RAB3C: variants seen among roughly 807,000 people sequenced by gnomAD.
The protein encoded by RAB3C is RAB3C, member RAS oncogene family, also known as ras-related protein Rab-3C.
A neutral mutation model predicts 26.4 loss-of-function variants in RAB3C; 17 were observed. The observed-to-expected ratio is 0.64, with a 90% CI of 0.44 to 0.97. RAB3C has a LOEUF of 0.97. Among genes scored for constraint, RAB3C ranks in the 50% least tolerant of loss-of-function variants. The pLI, the probability that RAB3C is intolerant of heterozygous loss-of-function variation, is 0.00. For missense variants in RAB3C, 242 were observed against 281.9 expected (o/e 0.86, Z 1.01); for synonymous variants, 91 against 95.9 (o/e 0.95, Z 0.30).
chr5:58,683,198 A>G (rs1186101802), intron 2 of RAB3C, among the ~76,000 whole-genome samples: 1 of 152,192 alleles, frequency 6.6e-6, no homozygotes. Flanking sequence ...ATCTCTTTGC[A>G]TTAGCTACAG....
chr5:58,717,138 TA>T (rs1749188746), intron 2 of RAB3C, among the ~76,000 whole-genome samples: 4 of 152,112 alleles, frequency 2.6e-5, no homozygotes, highest in Non-Finnish European at 2.9e-5. Context: ...AAAAGTTGAT[TA>T]TTAAGACAGA....
intron 2 of RAB3C, among the ~76,000 whole-genome samples, chr5:58,682,763 A>T (rs902501629): frequency 1.3e-5 from 2 of 152,098 alleles, no homozygotes. Context: ...AACTATTATG[A>T]GGGAAGTGTA....
intron 3 of RAB3C, among the ~76,000 whole-genome samples, chr5:58,792,271 A>AT (rs1742541092): frequency 6.6e-6 from 1 of 152,238 alleles, no homozygotes; most frequent in Non-Finnish European, 1.5e-5. Context: ...TATATCTGGA[A>AT]TACTTCCAGG....
chr5:58,680,818 T>C (rs1430519629), intron 2 of RAB3C, among the ~76,000 whole-genome samples: 1 of 152,176 alleles, frequency 6.6e-6, no homozygotes, highest in African/African-American at 2.4e-5. Flanking sequence ...ACTCTCCTCA[T>C]CTCAAGACCC....
At chr5:58,678,007 CGT>C (rs750297617) in intron 2 of RAB3C, among the ~76,000 whole-genome samples, 1 of 78,444 alleles carries the variant, frequency 1.3e-5, no homozygotes, top group African/African-American at 4.6e-5. Flanking sequence ...TGTGTGCATG[CGT>C]GTGTGTGTGT....
intron 1 of RAB3C, among the ~76,000 whole-genome samples, chr5:58,592,986 T>G (rs1039560740): frequency 6.6e-6 from 1 of 152,172 alleles, no homozygotes; most frequent in African/African-American, 2.4e-5. Context: ...CATTACATCT[T>G]TAAGTATTTT....
chr5:58,681,850 G>T (rs547607323), intron 2 of RAB3C, among the ~76,000 whole-genome samples: 2 of 152,180 alleles, frequency 1.3e-5, no homozygotes, highest in South Asian at 2.1e-4. Context: ...TTAGAGGCAG[G>T]TTGATTAGGA....
intron 1 of RAB3C, among the ~76,000 whole-genome samples, chr5:58,607,010 C>T (rs1269668591): frequency 6.6e-6 from 1 of 152,174 alleles, no homozygotes; most frequent in Non-Finnish European, 1.5e-5. Flanking sequence ...TCTTCTCCTC[C>T]AAAAGATCGC....
In RAB3C at chr5:58,748,817, C is replaced by T. The variant is rs535422465; in HGVS notation, c.371+22697C>T. ...GTGGTTGCAGTCAGTGGCTACATTT[C>T]TCAGCTTCTCTTGCACATAGGTAGG... is the stretch of plus-strand genomic sequence containing the variant. On this transcript the variant is annotated intron_variant, in intron 3 of 4. Coordinates refer to ENST00000282878, the MANE Select transcript of RAB3C (RefSeq NM_138453.4). Among the ~76,000 whole-genome samples, 7 of 152,286 alleles carry T rather than the reference C, an allele frequency of 4.6e-5. No individual in the cohort carries two copies. The East Asian group carries it at 1.3e-3, about 29-fold the overall frequency.
chr5:58,744,534 A>C (rs553561800), intron 3 of RAB3C, among the ~76,000 whole-genome samples: 102 of 152,326 alleles, frequency 6.7e-4, no homozygotes, highest in African/African-American at 2.4e-3. Context: ...AGGTCTTTTG[A>C]AAAGAAACCG....
chr5:58,770,646 G>A (rs1359387010), intron 3 of RAB3C, among the ~76,000 whole-genome samples: 9 of 152,004 alleles, frequency 5.9e-5, no homozygotes. Flanking sequence ...GTTATACTTT[G>A]CCTTCTTTAA....
intron 2 of RAB3C, among the ~76,000 whole-genome samples, chr5:58,687,930 G>T (rs1458989986): frequency 6.6e-6 from 1 of 151,834 alleles, no homozygotes; most frequent in African/African-American, 2.4e-5. Context: ...AATTTTATTT[G>T]GTTTATTCAA....
intron 3 of RAB3C, among the ~76,000 whole-genome samples, chr5:58,744,227 A>G (rs965052780): frequency 2.0e-5 from 3 of 152,256 alleles, no homozygotes; most frequent in Non-Finnish European, 4.4e-5. Context: ...ACAGACGTCA[A>G]CTCATGGGTT....
chr5:58,801,472 T>C (rs1742807162), intron 3 of RAB3C, among the ~76,000 whole-genome samples: 1 of 152,184 alleles, frequency 6.6e-6, no homozygotes, highest in Admixed American at 6.5e-5. Flanking sequence ...AAAGGTAAAA[T>C]TAAAATCCAG....
chr5:58,738,010 G>A (rs951540453), intron 3 of RAB3C, among the ~76,000 whole-genome samples: 1 of 152,088 alleles, frequency 6.6e-6, no homozygotes, highest in Non-Finnish European at 1.5e-5. Flanking sequence ...TTTGGATGGG[G>A]GTATATTTGC....
At chr5:58,800,267 T>C (rs566627809) in intron 3 of RAB3C, among the ~76,000 whole-genome samples, 1 of 152,360 alleles carries the variant, frequency 6.6e-6, no homozygotes, top group African/African-American at 2.4e-5. Flanking sequence ...ACTTCTCTCT[T>C]TGTTTGCACC....
At chr5:58,649,805 T>C (rs1318606434) in intron 2 of RAB3C, among the ~76,000 whole-genome samples, 2 of 152,162 alleles carry the variant, frequency 1.3e-5, no homozygotes, top group African/African-American at 4.8e-5. Flanking sequence ...CTGAACTCTG[T>C]AGCCAAAGCA....
intron 3 of RAB3C, among the ~76,000 whole-genome samples, chr5:58,795,913 A>AG (rs1416661160): frequency 1.3e-5 from 2 of 152,196 alleles, no homozygotes; most frequent in Non-Finnish European, 2.9e-5. Flanking sequence ...AGAGTGAAAC[A>AG]TGGTTAAGGT....
At chr5:58,582,505 C>G (rs1745920305), upstream of RAB3C, 1 of 703,850 alleles carries the variant, frequency 1.4e-6, no homozygotes, top group Non-Finnish European at 1.7e-6. Flanking sequence ...TGACTATGTA[C>G]GCGCGCGCGA....
Sources: gnomAD v4.1 joint callset for allele counts (sites outside exome capture counted in the v4.1 genomes callset) on GRCh38, gnomAD v4.1.1 for gene constraint, MANE v1.5 for transcripts, NCBI Gene and HGNC (gene_info 2026-07-23, HGNC 2026-07-21) for gene names.